The following CD81 variants were observed in gnomAD, a reference collection of about 807,000 sequenced individuals.
CD81 encodes CD81 antigen.
A neutral mutation model predicts 30.1 loss-of-function variants in CD81; 10 were observed. The ratio of observed to expected loss-of-function variants is 0.33; its 90% CI spans 0.21 to 0.56. The LOEUF (loss-of-function observed/expected upper bound fraction) is 0.56, where lower values mean the gene tolerates loss of function less well. Ranked by LOEUF, CD81 falls within the 20% of genes least tolerant of loss-of-function variation. The pLI is 0.89. For synonymous variants in CD81, 147 were observed against 126.4 expected (o/e 1.16, Z -1.10); for missense variants, 263 against 308.7 (o/e 0.85, Z 1.11).
At chr11:2,383,185 G>A (rs530501414) in intron 1 of CD81, among the ~76,000 whole-genome samples, 230 of 152,324 alleles carry the variant, frequency 1.5e-3, no homozygotes, top group Non-Finnish European at 2.6e-3. Flanking sequence ...TGGAGCTTCC[G>A]CTTCCTGGCC....
intron 2 of CD81, 73 bp from the exon 3 acceptor site, chr11:2,394,022 C>A: frequency 1.6e-6 from 2 of 1,213,018 alleles, no homozygotes; most frequent in Non-Finnish European, 2.5e-6. Context: ...GTGGGTTCGG[C>A]ACCCAGGACC....
Position 2,390,521 on chromosome 11 carries a change from A to G in CD81, c.176A>G (p.Tyr59Cys), listed in dbSNP as rs1849879940. The change falls in exon 2 of 8, where the codon TAT becomes TGT. Residue 59 changes from tyrosine (Y) to cysteine (C), a missense_variant. By Grantham distance (194) the Tyr-to-Cys change is radical. Around this residue, in one of 3 missense-constraint regions of CD81, gnomAD observed 84 missense variants for 98.2 expected, o/e 0.86. Coordinates refer to ENST00000263645, the MANE Select transcript of CD81 (RefSeq NM_004356.4). ...GACAAGCCCGCGCCCAACACCTTCT[A>G]TGTAGGTGAGTGCACATGTGGCCGC... ...LGDKPAPNTF[Y>C]VGIYILIAVG... 4 of 1,603,962 alleles carry G rather than the reference A, an allele frequency of 2.5e-6. No individual in the cohort carries two copies. Among genetic ancestry groups the G allele is most frequent in the Non-Finnish European group, 3.4e-6 (4 of 1,171,814 alleles).
intron 1 of CD81, 123 bp from the exon 2 acceptor site, chr11:2,390,289 G>C: frequency 1.2e-6 from 1 of 809,066 alleles, no homozygotes; most frequent in Non-Finnish European, 2.2e-6. Flanking sequence ...CAGCAGAGCT[G>C]ACACCTGGTC....
chr11:2,395,449 G>C lies in CD81; in HGVS notation c.388G>C (p.Ala130Pro), dbSNP rs1849980383. 1.9e-6 allele frequency: 3 copies of C among 1,612,708 alleles called. No homozygotes were observed. The African/African-American group carries it at 4.0e-5, about 22-fold the overall frequency. ...GGATGTGAAGCAGTTCTATGACCAG[G>C]CCCTACAGCAGGCCGTGGTGGATGA... ...AKDVKQFYDQ[A>P]LQQAVVDDDA... The change falls in exon 5 of 8, where the codon GCC becomes CCC. Residue 130 changes from alanine (A) to proline (P), a missense_variant. Around this residue, in one of 3 missense-constraint regions of CD81, gnomAD observed 176 missense variants for 192.9 expected, o/e 0.91. Coordinates refer to ENST00000263645, the MANE Select transcript of CD81 (RefSeq NM_004356.4).
At chr11:2,395,360 GT>G (rs1849977431) in intron 4 of CD81, 55 bp from the exon 5 acceptor site, 1 of 1,413,320 alleles carries the variant, frequency 7.1e-7, no homozygotes, top group Non-Finnish European at 1.0e-6. Context: ...GCGGGGCGGG[GT>G]GGGGGCAAGG....
At chr11:2,381,583 A>G (rs926760654) in intron 1 of CD81, among the ~76,000 whole-genome samples, 3 of 152,262 alleles carry the variant, frequency 2.0e-5, no homozygotes, top group Non-Finnish European at 2.9e-5. Context: ...CATAGAGTCA[A>G]TAAGGCTTAG....
chr11:2,395,989 GC>G lies in CD81; in HGVS notation c.561+21del, dbSNP rs775622139. On this transcript the variant is annotated intron_variant, in intron 6 of 7. Transcript: ENST00000263645. ...CTTCAAGGTGCGCGAGGCCGGTGGG[GC>G]CGCGCCTGACCCCCCGCATGTCCCG... The G allele has an allele frequency of 6.5e-7, 1 of 1,537,340 alleles. No homozygotes were observed. The highest frequency in any genetic ancestry group is 1.1e-5 in the South Asian group (1 of 89,680).
intron 5 of CD81, 91 bp downstream of exon 5, chr11:2,395,611 C>T: frequency 9.5e-7 from 1 of 1,048,634 alleles, no homozygotes; most frequent in Non-Finnish European, 1.5e-6. Flanking sequence ...TACGCCCAGA[C>T]CTCAGGAGCA....
In CD81 at chr11:2,395,927, A is replaced by G. The variant is rs149336067; in HGVS notation, c.518A>G (p.Asn173Ser). The change falls in exon 6 of 8, where the codon AAT (asparagine) becomes AGT (serine). Residue 173 changes from asparagine to serine, a missense_variant. Coordinates refer to ENST00000263645, the MANE Select transcript of CD81 (RefSeq NM_004356.4). ...TALTTSVLKN[N>S]LCPSGSNIIS... ...TTGACCACCTCAGTGCTCAAGAACA[A>G]TTTGTGTCCCTCGGGCAGCAACATC... 2.4e-4 allele frequency: 387 copies of G among 1,612,482 alleles called. No individual in the cohort carries two copies. The highest frequency in any genetic ancestry group is 3.2e-4 in the Non-Finnish European group (372 of 1,179,776).
At chr11:2,395,316 C>A in intron 4 of CD81, 100 bp from the exon 5 acceptor site, 1 of 973,450 alleles carries the variant, frequency 1.0e-6, no homozygotes, top group Non-Finnish European at 1.6e-6. Context: ...CCACCCTGCC[C>A]AGGGAGAGCC....
intron 1 of CD81, among the ~76,000 whole-genome samples, chr11:2,383,113 G>T (rs1211668719): frequency 2.6e-5 from 4 of 152,188 alleles, no homozygotes; most frequent in South Asian, 2.1e-4. Context: ...CAGCATCCTC[G>T]CCTGACACCT....
chr11:2,389,682 C>T (rs1344911629), intron 1 of CD81, among the ~76,000 whole-genome samples: 5 of 152,174 alleles, frequency 3.3e-5, no homozygotes, highest in Non-Finnish European at 4.4e-5. Flanking sequence ...CGCGCCCCTT[C>T]CCCCAGCCCA....
At chr11:2,383,330 C>T (rs1849733696) in intron 1 of CD81, among the ~76,000 whole-genome samples, 1 of 152,076 alleles carries the variant, frequency 6.6e-6, no homozygotes, top group Non-Finnish European at 1.5e-5. Context: ...AGGAGTCTGG[C>T]CCCGTCCCCA....
chr11:2,386,012 A>G (rs1413220875), intron 1 of CD81: 1 of 714,004 alleles, frequency 1.4e-6, no homozygotes, highest in Non-Finnish European at 2.6e-6. Flanking sequence ...AGGTGGCTGG[A>G]CCGTTTTACA....
chr11:2,376,405 G>A (rs888783288), upstream of CD81: 1 of 152,348 alleles, frequency 6.6e-6, no homozygotes, highest in Admixed American at 6.5e-5. Flanking sequence ...AGTTTTCTTG[G>A]AGAGGGCATG....
At chr11:2,394,532 G>C (rs946672315) in intron 3 of CD81, among the ~76,000 whole-genome samples, 1 of 152,216 alleles carries the variant, frequency 6.6e-6, no homozygotes, top group Non-Finnish European at 1.5e-5. Flanking sequence ...GGCCAGTCCA[G>C]GAAGAGGGAG....
At position 2,378,977 on chromosome 11, in the gene CD81, G is replaced by A. The variant is rs1231197890; in HGVS notation, c.66+1362G>A. Among the ~76,000 whole-genome samples, 1 of 152,218 alleles carries A rather than the reference G, an allele frequency of 6.6e-6. No homozygotes were observed. Among genetic ancestry groups the A allele is most frequent in the African/African-American group, 2.4e-5 (1 of 41,464 alleles). On this transcript the variant is annotated intron_variant, in intron 1 of 7. Coordinates refer to ENST00000263645, the MANE Select transcript of CD81 (RefSeq NM_004356.4). This position sits in a 1 kb window ranked among gnomAD's most constrained non-coding sequence, Gnocchi z 4.9. Reference sequence around the variant, plus strand: ...GTCACATCCCACCTTCCCCAAGCCGGGCTGTTCTGCACAGCCTGCTTGGGA... The same window carrying A: ...GTCACATCCCACCTTCCCCAAGCCGAGCTGTTCTGCACAGCCTGCTTGGGA...
chr11:2,396,847 G>C lies in CD81; in HGVS notation c.692G>C (p.Arg231Pro), dbSNP rs776796717. ...AGCATGGTGCTGTGCTGTGGCATCC[G>C]GAACAGCTCCGTGTACTGAGGCCCC... ...ILSMVLCCGIRNSSVY is the reference protein window; with the variant it reads ...ILSMVLCCGIPNSSVY The change falls in exon 8 of 8, where the codon CGG becomes CCG. Residue 231 changes from arginine (R) to proline (P), a missense_variant. Around this residue, in one of 3 missense-constraint regions of CD81, gnomAD observed 176 missense variants for 192.9 expected, o/e 0.91. Transcript: ENST00000263645. The C allele has an allele frequency of 6.2e-7, 1 of 1,612,756 alleles. No individual in the cohort carries two copies. The highest frequency in any genetic ancestry group is 8.5e-7 in the Non-Finnish European group (1 of 1,180,010).
chr11:2,377,680 C>A lies in CD81; in HGVS notation c.66+65C>A. ...CACACACTCCACGTTGGGCAGGTCC[C>A]GCGGCAGCGTGCTAGGCCCCGCGGG... On this transcript the variant is annotated intron_variant, in intron 1 of 7. Coordinates refer to ENST00000263645, the MANE Select transcript of CD81 (RefSeq NM_004356.4). The surrounding 1 kb of genome is among the most constrained non-coding windows in gnomAD (Gnocchi z 7.7). 8.7e-7 allele frequency: 1 copy of A among 1,143,922 alleles called. No individual in the cohort carries two copies. The allele number at this position is 1,143,922 out of a possible 1,614,324, so 70.9% of individuals were successfully genotyped here. A position where few individuals can be genotyped will look rare whatever the true frequency, so the allele number is the denominator to read the frequency against.
Sources: allele counts gnomAD v4.1 joint callset (sites outside exome capture counted in the v4.1 genomes callset), GRCh38; gene constraint gnomAD v4.1.1; regional missense constraint gnomAD v4.1.1; non-coding constraint Gnocchi (gnomAD v3.1); transcripts MANE v1.5; gene names NCBI Gene and HGNC (gene_info 2026-07-23, HGNC 2026-07-21).